The following CACNA2D4 variants were observed in gnomAD, a reference collection of about 807,000 sequenced individuals.
CACNA2D4 encodes the protein calcium voltage-gated channel auxiliary subunit alpha2delta 4, also known as voltage-dependent calcium channel subunit alpha-2/delta-4.
Under a neutral mutation model 163.8 loss-of-function variants are expected in CACNA2D4, and 157 were observed. The ratio of observed to expected loss-of-function variants is 0.96; its 90% CI spans 0.84 to 1.09. The LOEUF (loss-of-function observed/expected upper bound fraction) is 1.09. CACNA2D4 is among the 50% of genes least tolerant of loss of function. CACNA2D4 has a pLI of 0.00. For missense variants in CACNA2D4, 1,410 were observed against 1,479.9 expected, an observed-to-expected ratio of 0.95 and a Z score of 0.78; for synonymous variants, 598 against 586.9, an observed-to-expected ratio of 1.02 and a Z score of -0.27.
intron 5 of CACNA2D4, 108 bp from the exon 6 acceptor site, chr12:1,907,679 G>A (rs1866692856): frequency 7.4e-6 from 9 of 1,213,080 alleles, no homozygotes; most frequent in Non-Finnish European, 1.1e-5. Context: ...TGTCTGGTAA[G>A]CGTGCCTGGT....
chr12:1,914,971 C>T (rs752405818), intron 1 of CACNA2D4, 36 bp from the exon 2 acceptor site: 37 of 1,432,058 alleles, frequency 2.6e-5, no homozygotes, highest in South Asian at 1.8e-4. Flanking sequence ...TATACACACA[C>T]GTACACGCAC....
intron 29 of CACNA2D4, among the ~76,000 whole-genome samples, chr12:1,809,799 G>A (rs571559019): frequency 5.0e-4 from 76 of 152,294 alleles, no homozygotes; most frequent in African/African-American, 1.8e-3. Flanking sequence ...GTGGGTGAGA[G>A]TATAATTTTC....
chr12:1,895,093 A>G (rs1311843176), intron 6 of CACNA2D4, among the ~76,000 whole-genome samples: 1 of 152,190 alleles, frequency 6.6e-6, no homozygotes, highest in Non-Finnish European at 1.5e-5. Context: ...TATACCAATA[A>G]TGAACTAGCT....
intron 26 of CACNA2D4, among the ~76,000 whole-genome samples, chr12:1,838,571 C>G (rs1262346206): frequency 6.6e-6 from 1 of 152,234 alleles, no homozygotes; most frequent in Non-Finnish European, 1.5e-5. Context: ...TTCTTTTCCT[C>G]TGACATTCAT....
chr12:1,831,827 C>A (rs1433910684), intron 26 of CACNA2D4, among the ~76,000 whole-genome samples: 2 of 143,368 alleles, frequency 1.4e-5, no homozygotes, highest in African/African-American at 2.6e-5. Flanking sequence ...TGAACTGGAT[C>A]TCCCTTTCTT....
intron 35 of CACNA2D4, among the ~76,000 whole-genome samples, chr12:1,796,593 C>T (rs1863134656): frequency 6.6e-6 from 1 of 152,234 alleles, no homozygotes; most frequent in Non-Finnish European, 1.5e-5. Context: ...GGAACGCTAA[C>T]CCCAGCCCTC....
At chr12:1,894,063 C>T (rs1209685958) in intron 6 of CACNA2D4, among the ~76,000 whole-genome samples, 3 of 151,958 alleles carry the variant, frequency 2.0e-5, no homozygotes, top group East Asian at 3.8e-4. Flanking sequence ...ATGAAAAAAG[C>T]ATACATTACA....
chr12:1,884,440 A>G lies in CACNA2D4; in HGVS notation c.1273-119T>C, dbSNP rs1022936395. 5.2e-5 allele frequency: 42 copies of G among 806,228 alleles called. No individual in the cohort carries two copies. In the East Asian group the frequency reaches 5.4e-4, roughly 10 times the overall value. 49.9% of individuals were successfully genotyped at this position (806,228 alleles called of 1,614,324 possible). A position where few individuals can be genotyped will look rare whatever the true frequency, so the allele number is the denominator to read the frequency against. On this transcript the variant is annotated intron_variant, in intron 11 of 37. Transcript: ENST00000382722. ...TGCCTCTCAGTCTTCGGGTTCTCCAATTTCACCCCCTGAGGCCCAGGCAGC... is the reference window on the plus strand; with the variant it reads ...TGCCTCTCAGTCTTCGGGTTCTCCAGTTTCACCCCCTGAGGCCCAGGCAGC...
chr12:1,891,849 GAA>G (rs1205091072), intron 6 of CACNA2D4, among the ~76,000 whole-genome samples: 4 of 151,778 alleles, frequency 2.6e-5, no homozygotes, highest in African/African-American at 9.7e-5. Flanking sequence ...TTCAGAACTC[GAA>G]GACAGGTCTT....
At chr12:1,854,932 A>G (rs1220108005) in intron 22 of CACNA2D4, among the ~76,000 whole-genome samples, 2 of 152,118 alleles carry the variant, frequency 1.3e-5, no homozygotes, top group Non-Finnish European at 2.9e-5. Flanking sequence ...TACATTCACA[A>G]TGTTGTACAA....
Position 1,882,879 on chromosome 12 carries a change from G to A in CACNA2D4, c.1473C>T (p.Tyr491=), listed in dbSNP as rs1244653855. The A allele has an allele frequency of 4.3e-6, 7 of 1,613,728 alleles. No homozygotes were observed. The highest frequency in any genetic ancestry group is 1.7e-5 in the Admixed American group (1 of 59,978). Residue 491 remains tyrosine, a synonymous_variant, in exon 13 of 38, where the codon TAC becomes TAT. Transcript: ENST00000382722. ...HDHDIIWTEA[Y]MDSKLLSSQA... ...CTGCCAGGCTCACCTTGCTGTCCAT[G>A]TAGGCCTCTGTCCAGATGATGTCGT...
intron 26 of CACNA2D4, among the ~76,000 whole-genome samples, chr12:1,824,947 A>G (rs1488340303): frequency 6.6e-6 from 1 of 152,238 alleles, no homozygotes; most frequent in African/African-American, 2.4e-5. Flanking sequence ...GAGGAAGCCC[A>G]AGGGACCCAG....
In CACNA2D4 at chr12:1,820,501, C is replaced by G. The variant is rs1033111401; in HGVS notation, c.2552-8778G>C. On this transcript the variant is annotated intron_variant, in intron 26 of 37. Transcript: ENST00000382722. The surrounding 1 kb of genome is among the most constrained non-coding windows in gnomAD (Gnocchi z 6.0). ...CCGCTCCACTCTGGCTCGCTGCTCG[C>G]GCACACGCGTGCGCTCTCCTCCCTC... 1 of 152,480 alleles carries G rather than the reference C, an allele frequency of 6.6e-6. No individual in the cohort carries two copies. Among genetic ancestry groups the G allele is most frequent in the East Asian group, 1.9e-4 (1 of 5,188 alleles). 9.4% of individuals were successfully genotyped at this position (152,480 alleles called of 1,614,324 possible). A position where few individuals can be genotyped will look rare whatever the true frequency, so the allele number is the denominator to read the frequency against.
At chr12:1,907,592 T>G in intron 5 of CACNA2D4, 21 bp from the exon 6 acceptor site, 1 of 1,607,050 alleles carries the variant, frequency 6.2e-7, no homozygotes, top group South Asian at 1.1e-5. Flanking sequence ...AGACTATAGA[T>G]TATGATCCTG....
At chr12:1,830,842 A>G (rs1473703201) in intron 26 of CACNA2D4, 1 of 1,060,834 alleles carries the variant, frequency 9.4e-7, no homozygotes, top group Non-Finnish European at 1.3e-6. Context: ...GATAAAGCCA[A>G]GAGCCTGTTA....
At chr12:1,840,578 A>G (rs1379090120) in intron 26 of CACNA2D4, among the ~76,000 whole-genome samples, 161 bp downstream of exon 26, 1 of 152,242 alleles carries the variant, frequency 6.6e-6, no homozygotes, top group African/African-American at 2.4e-5. Flanking sequence ...ATGGTTTTAC[A>G]AATGAAATGG....
chr12:1,799,899 C>T lies in CACNA2D4; in HGVS notation c.2974+101G>A, dbSNP rs1863251771. The T allele has an allele frequency of 7.3e-7, 1 of 1,364,886 alleles. No individual in the cohort carries two copies. 84.5% of individuals were successfully genotyped at this position (1,364,886 alleles called of 1,614,324 possible). A position where few individuals can be genotyped will look rare whatever the true frequency, so the allele number is the denominator to read the frequency against. On this transcript the variant is annotated intron_variant, in intron 33 of 37. Coordinates refer to ENST00000382722, the MANE Select transcript of CACNA2D4 (RefSeq NM_172364.5). The surrounding 1 kb of genome is among the most constrained non-coding windows in gnomAD (Gnocchi z 4.7). Reference sequence around the variant, plus strand: ...TGTGAACAACGATGCTTCAGGGTCACCTATCCCCACTGTCACCCACCCCAC... The same window carrying T: ...TGTGAACAACGATGCTTCAGGGTCATCTATCCCCACTGTCACCCACCCCAC...
At chr12:1,856,571 A>G (rs1865404465) in intron 20 of CACNA2D4, among the ~76,000 whole-genome samples, 2 of 152,158 alleles carry the variant, frequency 1.3e-5, no homozygotes, top group South Asian at 2.1e-4. Flanking sequence ...TATTATGGGC[A>G]TGTAATAACC....
chr12:1,830,915 C>G, intron 26 of CACNA2D4: 1 of 1,574,076 alleles, frequency 6.4e-7, no homozygotes. Context: ...TTCTTTCCCC[C>G]GTCTGTCCCT....
Sources: gnomAD v4.1 joint callset for allele counts (sites outside exome capture counted in the v4.1 genomes callset) on GRCh38, gnomAD v4.1.1 for gene constraint, Gnocchi (gnomAD v3.1) non-coding constraint, MANE v1.5 for transcripts, NCBI Gene and HGNC (gene_info 2026-07-23, HGNC 2026-07-21) for gene names.